Variants in DUSP16 observed in about 807,000 individuals in gnomAD.
DUSP16 encodes the protein dual specificity protein phosphatase 16.
Under a neutral mutation model 58.3 loss-of-function variants are expected in DUSP16, and 21 were observed. The observed-to-expected ratio is 0.36, with a 90% CI of 0.26 to 0.52. The LOEUF (loss-of-function observed/expected upper bound fraction) is 0.52. Among genes scored for constraint, DUSP16 ranks in the 20% least tolerant of loss-of-function variants. DUSP16 has a pLI of 0.94. For missense variants in DUSP16, 726 were observed against 819.0 expected (o/e 0.89, Z 1.39); for synonymous variants, 320 against 323.8 (o/e 0.99, Z 0.12).
chr12:12,495,867 C>T (rs1290142913), intron 4 of DUSP16, among the ~76,000 whole-genome samples: 2 of 152,248 alleles, frequency 1.3e-5, no homozygotes, highest in African/African-American at 4.8e-5. Context: ...GTATCTACTA[C>T]TCACCCTAGT....
intron 4 of DUSP16, 94 bp from the exon 5 acceptor site, chr12:12,487,281 C>G (rs1397347452): frequency 7.4e-6 from 10 of 1,356,348 alleles, no homozygotes; most frequent in South Asian, 2.8e-5. Flanking sequence ...ATAAAAATGC[C>G]CAGTTTCCTT....
intron 1 of DUSP16, among the ~76,000 whole-genome samples, chr12:12,523,663 T>C (rs1404742540): frequency 6.6e-6 from 1 of 152,228 alleles, no homozygotes; most frequent in Non-Finnish European, 1.5e-5. Flanking sequence ...AAGAGAGAAT[T>C]TGTCCTAGTC....
At chr12:12,533,696 T>TA (rs1295873763) in intron 1 of DUSP16, among the ~76,000 whole-genome samples, 1 of 152,152 alleles carries the variant, frequency 6.6e-6, no homozygotes, top group Non-Finnish European at 1.5e-5. Flanking sequence ...CCTAGGAATT[T>TA]AGAGACAAGT....
At chr12:12,523,767 G>C (rs1194130991) in intron 1 of DUSP16, among the ~76,000 whole-genome samples, 1 of 152,188 alleles carries the variant, frequency 6.6e-6, no homozygotes, top group African/African-American at 2.4e-5. Flanking sequence ...GCAATGTAAG[G>C]TCCTGTATTC....
chr12:12,499,342 C>A (rs966155518), intron 4 of DUSP16, among the ~76,000 whole-genome samples: 2 of 152,168 alleles, frequency 1.3e-5, no homozygotes, highest in African/African-American at 4.8e-5. Flanking sequence ...AATAACTGCA[C>A]ACTCAAAGGC....
At chr12:12,479,744 A>T (rs1943526582) in intron 6 of DUSP16, among the ~76,000 whole-genome samples, 1 of 152,204 alleles carries the variant, frequency 6.6e-6, no homozygotes, top group African/African-American at 2.4e-5. Context: ...GGCCGACTCT[A>T]GAATGTAGGA....
intron 4 of DUSP16, among the ~76,000 whole-genome samples, chr12:12,498,848 C>G (rs1943870158): frequency 6.6e-6 from 1 of 152,146 alleles, no homozygotes; most frequent in Admixed American, 6.5e-5. Flanking sequence ...ATAATAACTC[C>G]TTGCCCAAGG....
At chr12:12,485,731 C>G (rs1319049928) in intron 5 of DUSP16, among the ~76,000 whole-genome samples, 1 of 151,030 alleles carries the variant, frequency 6.6e-6, no homozygotes, top group Admixed American at 6.6e-5. Context: ...TTGCTTGCCT[C>G]GGCTTGTTAA....
At chr12:12,534,184 G>A (rs756938987) in intron 1 of DUSP16, among the ~76,000 whole-genome samples, 1 of 152,136 alleles carries the variant, frequency 6.6e-6, no homozygotes, top group Non-Finnish European at 1.5e-5. Flanking sequence ...AAGAAAGGGC[G>A]GCCAGGTAGC....
Position 12,532,160 on chromosome 12 carries a change from G to A in DUSP16, c.-365-10697C>T, listed in dbSNP as rs562845967. 1.3e-3 allele frequency among the ~76,000 whole-genome samples: 200 copies of A among 148,304 alleles called. 1 individual carries two copies. Among genetic ancestry groups the A allele is most frequent in the African/African-American group, 4.3e-3 (175 of 40,248 alleles). ...GGCCTGGGCGACAGAGCGAGACTCC[G>A]TCTCAAAAAAAAAACAAAACAAAGT... is the stretch of plus-strand genomic sequence containing the variant. On this transcript the variant is annotated intron_variant, in intron 1 of 6. Coordinates refer to ENST00000298573, the MANE Select transcript of DUSP16 (RefSeq NM_030640.3).
At chr12:12,510,631 T>C (rs928057565) in intron 3 of DUSP16, among the ~76,000 whole-genome samples, 1 of 152,232 alleles carries the variant, frequency 6.6e-6, no homozygotes, top group Non-Finnish European at 1.5e-5. Context: ...CGCTAGGTAA[T>C]GGAACAGTGG....
In DUSP16 at chr12:12,562,748, G is replaced by A. The variant is rs1416103509; in HGVS notation, c.-997C>T. 6.6e-6 allele frequency among the ~76,000 whole-genome samples: 1 copy of A among 151,330 alleles called. No individual in the cohort carries two copies. Among genetic ancestry groups the A allele is most frequent in the Admixed American group, 6.6e-5 (1 of 15,168 alleles). On this transcript the variant is annotated 5_prime_UTR_variant, in exon 1 of 7. Transcript: ENST00000298573. ...GAGGGCAGGGCGGTGGGCGCCGGGCGGGGCCGCGCGCTCGCCCATCCCGCG... is the reference window on the plus strand; with the variant it reads ...GAGGGCAGGGCGGTGGGCGCCGGGCAGGGCCGCGCGCTCGCCCATCCCGCG...
intron 1 of DUSP16, among the ~76,000 whole-genome samples, chr12:12,528,724 G>A (rs990530180): frequency 6.6e-6 from 1 of 152,138 alleles, no homozygotes; most frequent in African/African-American, 2.4e-5. Flanking sequence ...AAATTAACAA[G>A]GCAAAAATTA....
Position 12,562,030 on chromosome 12 carries a change from G to A in DUSP16, c.-366+87C>T, listed in dbSNP as rs1415487709. On this transcript the variant is annotated intron_variant, in intron 1 of 6. Coordinates refer to ENST00000298573, the MANE Select transcript of DUSP16 (RefSeq NM_030640.3). ...GCACCGGGAGTCGGGGCGCGCTGCG[G>A]AGCGTCCATGCGGCCGGGCGGGAGG... 8 of 150,106 alleles carry A rather than the reference G, an allele frequency of 5.3e-5. No homozygotes were observed. In the East Asian group the frequency reaches 1.4e-3, roughly 26 times the overall value. 9.3% of individuals were successfully genotyped at this position (150,106 alleles called of 1,614,324 possible). A position where few individuals can be genotyped will look rare whatever the true frequency, so the allele number is the denominator to read the frequency against.
At chr12:12,527,984 C>T (rs1944329325) in intron 1 of DUSP16, among the ~76,000 whole-genome samples, 1 of 152,342 alleles carries the variant, frequency 6.6e-6, no homozygotes, top group Admixed American at 6.5e-5. Context: ...ACAGGCCAGC[C>T]CAGGCAGAGG....
At position 12,521,392 on chromosome 12, in the gene DUSP16, G is replaced by C. The variant is rs1361741103; in HGVS notation, c.-294C>G. The C allele has an allele frequency of 1.6e-6, 2 of 1,283,932 alleles. No individual in the cohort carries two copies. Among genetic ancestry groups the C allele is most frequent in the African/African-American group, 3.0e-5 (2 of 66,530 alleles). 79.5% of individuals were successfully genotyped at this position (1,283,932 alleles called of 1,614,324 possible). ...CCATTCCACAACAAAAGATGCTTTG[G>C]AGCAGCCAGCGCATTACATCATTCT... On this transcript the variant is annotated 5_prime_UTR_variant, in exon 2 of 7. Coordinates refer to ENST00000298573, the MANE Select transcript of DUSP16 (RefSeq NM_030640.3).
chr12:12,502,795 C>A (rs964488207), intron 3 of DUSP16, among the ~76,000 whole-genome samples: 3 of 152,098 alleles, frequency 2.0e-5, no homozygotes, highest in Admixed American at 1.3e-4. Flanking sequence ...AGGTGATCCA[C>A]CTGCCTTGGC....
chr12:12,526,798 G>A lies in DUSP16; in HGVS notation c.-365-5335C>T, dbSNP rs189636568. Among the ~76,000 whole-genome samples the A allele has an allele frequency of 5.0e-4, 76 of 152,000 alleles. No homozygotes were observed. The East Asian group carries it at 0.011, about 23-fold the overall frequency. ...CCCACTCAGAAAAAAAGTGATAATCGCTCACACACACAATTTTTTTCTTTC... is the reference window on the plus strand; with the variant it reads ...CCCACTCAGAAAAAAAGTGATAATCACTCACACACACAATTTTTTTCTTTC... On this transcript the variant is annotated intron_variant, in intron 1 of 6. Transcript: ENST00000298573.
At chr12:12,480,134 C>T in intron 6 of DUSP16, 89 bp downstream of exon 6, 1 of 1,493,244 alleles carries the variant, frequency 6.7e-7, no homozygotes, top group Admixed American at 2.0e-5. Flanking sequence ...TAATCATGAT[C>T]TGCTTTAATT....
Sources: gnomAD v4.1 joint callset for allele counts (sites outside exome capture counted in the v4.1 genomes callset) on GRCh38, gnomAD v4.1.1 for gene constraint, MANE v1.5 for transcripts, NCBI Gene and HGNC (gene_info 2026-07-23, HGNC 2026-07-21) for gene names.